Variants in NYAP2 observed in about 807,000 individuals in gnomAD.
NYAP2 encodes the protein neuronal tyrosine-phosphorylated phosphoinositide-3-kinase adapter 2.
A neutral mutation model predicts 50.4 loss-of-function variants in NYAP2; 23 were observed. That is an observed-to-expected ratio of 0.46 (90% CI 0.33 to 0.65). The LOEUF (loss-of-function observed/expected upper bound fraction) is 0.65, where lower values mean the gene tolerates loss of function less well. Ranked by LOEUF, NYAP2 falls within the 30% of genes least tolerant of loss-of-function variation. The pLI is 0.02. For synonymous variants in NYAP2, 394 were observed against 365.2 expected (o/e 1.08, Z -0.90); for missense variants, 885 against 861.0 (o/e 1.03, Z -0.35).
intron 5 of NYAP2, among the ~76,000 whole-genome samples, chr2:225,617,938 T>G (rs1393176896): frequency 6.6e-6 from 1 of 152,188 alleles, no homozygotes; most frequent in Non-Finnish European, 1.5e-5. Context: ...AGGACTCTAT[T>G]AGATACTGAG....
intron 4 of NYAP2, among the ~76,000 whole-genome samples, chr2:225,528,231 A>G (rs1274640999): frequency 6.6e-6 from 1 of 152,200 alleles, no homozygotes; most frequent in Non-Finnish European, 1.5e-5. Flanking sequence ...TGAATGCTTC[A>G]AAAGTCAACT....
chr2:225,414,926 C>G (rs1365204157), intron 3 of NYAP2, among the ~76,000 whole-genome samples: 1 of 152,160 alleles, frequency 6.6e-6, no homozygotes, highest in African/African-American at 2.4e-5. Flanking sequence ...AATCTGTTCC[C>G]AGTACATGTC....
chr2:225,582,538 A>C lies in NYAP2; in HGVS notation c.1121A>C (p.Gln374Pro). The C allele has an allele frequency of 6.4e-7, 1 of 1,573,712 alleles. No individual in the cohort carries two copies. The highest frequency in any genetic ancestry group is 8.6e-7 in the Non-Finnish European group (1 of 1,158,864). ...CTGGAAAACGTGTCTTACATGAAAC[A>C]GCCAGCCGGGGCGTCGCCCTCCACG... is the stretch of plus-strand genomic sequence containing the variant. Residue 374 changes from glutamine (Q) to proline (P), a missense_variant, in exon 5 of 7, where the codon CAG (glutamine) becomes CCG (proline). By Grantham distance (76) the Gln-to-Pro change is moderately conservative. Coordinates refer to ENST00000636099, the Ensembl canonical transcript of NYAP2. This position sits in a 1 kb window ranked among gnomAD's most constrained non-coding sequence, Gnocchi z 7.0.
Position 225,499,461 on chromosome 2 carries a change from C to G in NYAP2, c.222-13910C>G, listed in dbSNP as rs564609546. On this transcript the variant is annotated intron_variant, in intron 3 of 6. Coordinates refer to ENST00000636099, the Ensembl canonical transcript of NYAP2. ...CCGAGTAGCTGGGACTACAGGCGCC[C>G]GCTACTGTTCCCGGCTAATTTTTTT... Among the ~76,000 whole-genome samples the G allele has an allele frequency of 3.3e-5, 5 of 150,402 alleles. No homozygotes were observed. In the East Asian group the frequency reaches 9.9e-4, roughly 30 times the overall value.
chr2:225,573,723 TG>T (rs1692117808), intron 4 of NYAP2, among the ~76,000 whole-genome samples: 1 of 152,214 alleles, frequency 6.6e-6, no homozygotes, highest in Non-Finnish European at 1.5e-5. Flanking sequence ...CTTTCTCCTC[TG>T]TGTGGCCTCT....
intron 3 of NYAP2, among the ~76,000 whole-genome samples, chr2:225,432,291 C>T (rs1574611470): frequency 1.3e-5 from 2 of 151,168 alleles, no homozygotes; most frequent in African/African-American, 2.4e-5. Flanking sequence ...CCACCGTACC[C>T]GGCCAGCAAT....
intron 3 of NYAP2, among the ~76,000 whole-genome samples, chr2:225,454,884 G>A (rs570859000): frequency 4.1e-4 from 62 of 152,250 alleles, no homozygotes; most frequent in African/African-American, 1.4e-3. Flanking sequence ...TAAGATTTCA[G>A]ATGGAATTAG....
At chr2:225,437,298 G>A (rs1321586779) in intron 3 of NYAP2, among the ~76,000 whole-genome samples, 1 of 152,154 alleles carries the variant, frequency 6.6e-6, no homozygotes, top group Non-Finnish European at 1.5e-5. Flanking sequence ...GTATATGACA[G>A]TTGTGAAGGA....
At chr2:225,586,405 C>A (rs1440134231) in intron 5 of NYAP2, among the ~76,000 whole-genome samples, 1 of 152,054 alleles carries the variant, frequency 6.6e-6, no homozygotes, top group Admixed American at 6.6e-5. Context: ...TTATGTTTAT[C>A]TATGATTAAA....
intron 5 of NYAP2, among the ~76,000 whole-genome samples, chr2:225,619,249 G>C (rs1005902215): frequency 6.6e-5 from 10 of 152,350 alleles, no homozygotes; most frequent in African/African-American, 2.4e-4. Flanking sequence ...CAAATACATG[G>C]CATGGCCAAA....
intron 5 of NYAP2, among the ~76,000 whole-genome samples, chr2:225,594,339 C>T (rs999684527): frequency 5.9e-5 from 9 of 152,068 alleles, no homozygotes; most frequent in Non-Finnish European, 8.8e-5. Flanking sequence ...GCCTGGCCAA[C>T]GTGGTGAAAC....
At chr2:225,471,859 C>T (rs1690016011) in intron 3 of NYAP2, among the ~76,000 whole-genome samples, 1 of 152,136 alleles carries the variant, frequency 6.6e-6, no homozygotes, top group African/African-American at 2.4e-5. Flanking sequence ...AGCTAAAATG[C>T]TTCAAGGAAC....
chr2:225,420,181 G>C (rs1695193353), intron 3 of NYAP2, among the ~76,000 whole-genome samples: 1 of 152,106 alleles, frequency 6.6e-6, no homozygotes, highest in Non-Finnish European at 1.5e-5. Context: ...TAGTAAATAA[G>C]CTGGCATAGC....
the NYAP2 span, among the ~76,000 whole-genome samples, chr2:225,696,279 T>G: frequency 1.2e-4 from 18 of 152,064 alleles, no homozygotes; most frequent in African/African-American, 4.3e-4. Context: ...GTAGATAAAT[T>G]CTTTCAGTGT....
At chr2:225,642,550 G>T (rs1559238142) in intron 6 of NYAP2, among the ~76,000 whole-genome samples, 1 of 152,050 alleles carries the variant, frequency 6.6e-6, no homozygotes, top group Non-Finnish European at 1.5e-5. Flanking sequence ...TTGTGAAAAG[G>T]TATAGCTCTT....
At chr2:225,612,318 A>T (rs1464880729) in intron 5 of NYAP2, among the ~76,000 whole-genome samples, 1 of 151,850 alleles carries the variant, frequency 6.6e-6, no homozygotes, top group Non-Finnish European at 1.5e-5. Context: ...CCTCCTTAAA[A>T]TAACCCGAAC....
intron 3 of NYAP2, among the ~76,000 whole-genome samples, chr2:225,421,887 A>G (rs1398694956): frequency 6.6e-6 from 1 of 152,226 alleles, no homozygotes; most frequent in Non-Finnish European, 1.5e-5. Flanking sequence ...TACAACCCCT[A>G]TCAGTACCAA....
At chr2:225,671,209 A>G in the NYAP2 span, among the ~76,000 whole-genome samples, 1 of 152,084 alleles carries the variant, frequency 6.6e-6, no homozygotes, top group Non-Finnish European at 1.5e-5. Context: ...ATGCCAAACC[A>G]TATGATGCTG....
intron 3 of NYAP2, among the ~76,000 whole-genome samples, chr2:225,446,254 A>C (rs759523855): frequency 0.33 from 28,322 of 87,124 alleles, 4,340 homozygotes; most frequent in Non-Finnish European, 0.43. Flanking sequence ...CTCTATATAT[A>C]TATATATATA....
Sources: allele counts gnomAD v4.1 joint callset (sites outside exome capture counted in the v4.1 genomes callset), GRCh38; gene constraint gnomAD v4.1.1; non-coding constraint Gnocchi (gnomAD v3.1); transcripts MANE v1.5; gene names NCBI Gene and HGNC (gene_info 2026-07-23, HGNC 2026-07-21).